The following ATXN7 variants were observed in gnomAD, a reference collection of about 807,000 sequenced individuals.
ATXN7 encodes the protein ataxin-7.
Under a neutral mutation model 70.5 loss-of-function variants are expected in ATXN7, and 12 were observed. That is an observed-to-expected ratio of 0.17 (90% CI 0.11 to 0.28). The LOEUF (loss-of-function observed/expected upper bound fraction) is 0.28. Ranked by LOEUF, ATXN7 falls within the 10% of genes least tolerant of loss-of-function variation. The probability of loss-of-function intolerance (pLI) is 1.00; values close to 1 mark genes in which losing one functional copy is unlikely to be tolerated. For synonymous variants in ATXN7, 498 were observed against 448.7 expected (o/e 1.11, Z -1.39); for missense variants, 1,256 against 1,131.7 (o/e 1.11, Z -1.58).
intron 2 of ATXN7, among the ~76,000 whole-genome samples, chr3:63,910,738 G>C (rs1010238517): frequency 2.0e-5 from 3 of 152,158 alleles, no homozygotes; most frequent in Non-Finnish European, 4.4e-5. Context: ...AGGACAGGAA[G>C]TAACCATGGT....
chr3:63,960,776 A>G (rs2075116394), intron 5 of ATXN7, among the ~76,000 whole-genome samples: 1 of 152,040 alleles, frequency 6.6e-6, no homozygotes, highest in African/African-American at 2.4e-5. Flanking sequence ...GTGTTGATGT[A>G]TTATATTAAG....
At chr3:63,887,120 G>A (rs1435299015) in intron 1 of ATXN7, among the ~76,000 whole-genome samples, 1 of 152,184 alleles carries the variant, frequency 6.6e-6, no homozygotes, top group Non-Finnish European at 1.5e-5. Context: ...TGCTGCCAAT[G>A]TCTCTTTAGA....
intron 4 of ATXN7, among the ~76,000 whole-genome samples, chr3:63,933,424 A>G (rs546492509): frequency 3.3e-5 from 5 of 152,222 alleles, no homozygotes; most frequent in Non-Finnish European, 7.3e-5. Flanking sequence ...AATGTTCTTC[A>G]TCCAGCATCT....
At chr3:63,973,558 C>A (rs943057774) in intron 5 of ATXN7, among the ~76,000 whole-genome samples, 3 of 152,136 alleles carry the variant, frequency 2.0e-5, no homozygotes, top group African/African-American at 7.2e-5. Context: ...ACCAGGGATG[C>A]CCGGCCAGTG....
At chr3:63,984,541 C>G (rs181061432) in intron 8 of ATXN7, among the ~76,000 whole-genome samples, 1 of 152,328 alleles carries the variant, frequency 6.6e-6, no homozygotes, top group East Asian at 1.9e-4. Context: ...CTGCGCTCTT[C>G]CTGCCTACCT....
At chr3:63,866,324 C>T (rs1702427528) in intron 1 of ATXN7, among the ~76,000 whole-genome samples, 1 of 152,198 alleles carries the variant, frequency 6.6e-6, no homozygotes, top group Non-Finnish European at 1.5e-5. Flanking sequence ...CATCAGGGCT[C>T]ACTGCAGCCT....
At chr3:63,974,169 G>C (rs2075357601) in intron 5 of ATXN7, among the ~76,000 whole-genome samples, 1 of 152,138 alleles carries the variant, frequency 6.6e-6, no homozygotes, top group African/African-American at 2.4e-5. Context: ...GCAGGGAATT[G>C]CTACACTGGC....
chr3:63,972,335 G>A (rs1437434418), intron 5 of ATXN7, among the ~76,000 whole-genome samples: 1 of 152,118 alleles, frequency 6.6e-6, no homozygotes, highest in East Asian at 1.9e-4. Context: ...CTTTAAATGG[G>A]CGTCATTATG....
At chr3:63,960,063 A>G (rs1363569035) in intron 5 of ATXN7, among the ~76,000 whole-genome samples, 1 of 152,242 alleles carries the variant, frequency 6.6e-6, no homozygotes, top group Non-Finnish European at 1.5e-5. Context: ...ATAATGTGAG[A>G]GAAAATGACT....
chr3:63,988,463 G>GAA, intron 9 of ATXN7, 139 bp downstream of exon 9: 104 of 911,794 alleles, frequency 1.1e-4, no homozygotes, highest in Non-Finnish European at 1.3e-4. Context: ...GTTTTACTAT[G>GAA]AAAAAAAAAA....
chr3:63,992,671 C>T (rs1576000643), intron 11 of ATXN7, among the ~76,000 whole-genome samples: 1 of 152,296 alleles, frequency 6.6e-6, no homozygotes, highest in African/African-American at 2.4e-5. Context: ...AAGGTCGACT[C>T]TGCTGTCTAC....
intron 5 of ATXN7, chr3:63,968,339 A>G (rs2075259953): frequency 9.5e-6 from 2 of 210,872 alleles, no homozygotes; most frequent in African/African-American, 4.5e-5. Context: ...CTCCAACAAA[A>G]TGCTGAGGTT....
rs1368257028 is a variant in ATXN7 at position 63,990,690 on chromosome 3, A to C, written c.1561-48A>C. On this transcript the variant is annotated intron_variant, in intron 10 of 12. Transcript: ENST00000674280. Reference sequence around the variant, plus strand: ...GAAGGATCTAGAACCCTGACTGGGCATGCCAGTGTGGGAGTCAGCAAGCAC... The same window carrying C: ...GAAGGATCTAGAACCCTGACTGGGCCTGCCAGTGTGGGAGTCAGCAAGCAC... The C allele has an allele frequency of 3.7e-6, 6 of 1,613,480 alleles. No individual in the cohort carries two copies. In the African/African-American group the frequency reaches 6.7e-5, roughly 18 times the overall value.
At chr3:63,892,062 G>A (rs761676832) in intron 1 of ATXN7, among the ~76,000 whole-genome samples, 1 of 152,128 alleles carries the variant, frequency 6.6e-6, no homozygotes, top group African/African-American at 2.4e-5. Flanking sequence ...ACAAGACAGT[G>A]CATGTACAGA....
chr3:63,997,571 C>T (rs1576008900), intron 12 of ATXN7: 1 of 1,499,676 alleles, frequency 6.7e-7, no homozygotes, highest in Non-Finnish European at 9.1e-7. Context: ...TTCCAGCTTC[C>T]TTTGCTCTAA....
At chr3:63,916,643 G>A (rs1360967213) in intron 4 of ATXN7, among the ~76,000 whole-genome samples, 1 of 152,150 alleles carries the variant, frequency 6.6e-6, no homozygotes, top group Non-Finnish European at 1.5e-5. Context: ...ATACCCAAGG[G>A]TTAATGTTGT....
intron 4 of ATXN7, among the ~76,000 whole-genome samples, chr3:63,934,508 A>G (rs2074621946): frequency 6.6e-6 from 1 of 152,196 alleles, no homozygotes; most frequent in South Asian, 2.1e-4. Flanking sequence ...TGAGAGGCAG[A>G]AAGAGAATAT....
At chr3:63,982,685 G>A (rs1459185128) in intron 7 of ATXN7, among the ~76,000 whole-genome samples, 1 of 150,772 alleles carries the variant, frequency 6.6e-6, no homozygotes, top group Non-Finnish European at 1.5e-5. Context: ...TTCTAGTGGT[G>A]TATTTCTGAA....
chr3:64,000,061 C>T lies in ATXN7; in HGVS notation c.*594C>T, dbSNP rs983537019. 1 of 152,818 alleles carries T rather than the reference C, an allele frequency of 6.5e-6. No individual in the cohort carries two copies. Among genetic ancestry groups the T allele is most frequent in the Admixed American group, 6.5e-5 (1 of 15,292 alleles). 9.5% of individuals were successfully genotyped at this position (152,818 alleles called of 1,614,324 possible). ...GAAATATAGATGTTAGCCCAAGACA[C>T]CATGACAAAATAGCCCAGCCTTTTG... On this transcript the variant is annotated 3_prime_UTR_variant, in exon 13 of 13. Transcript: ENST00000674280.
Sources: allele counts gnomAD v4.1 joint callset (sites outside exome capture counted in the v4.1 genomes callset), GRCh38; gene constraint gnomAD v4.1.1; transcripts MANE v1.5; gene names NCBI Gene and HGNC (gene_info 2026-07-23, HGNC 2026-07-21).